The following SSH2 variants were observed in gnomAD, a reference collection of about 807,000 sequenced individuals.
The protein encoded by SSH2 is protein phosphatase Slingshot homolog 2.
Under a neutral mutation model 135.2 loss-of-function variants are expected in SSH2, and 37 were observed. The observed-to-expected ratio is 0.27, with a 90% CI of 0.21 to 0.36. The LOEUF is 0.36. Among genes scored for constraint, SSH2 ranks in the 10% least tolerant of loss-of-function variants. The probability of loss-of-function intolerance (pLI) is 1.00; values close to 1 mark genes in which losing one functional copy is unlikely to be tolerated. For missense variants in SSH2, 1,408 were observed against 1,765.3 expected (o/e 0.80, Z 3.63); for synonymous variants, 628 against 646.2 (o/e 0.97, Z 0.43).
chr17:29,762,121 T>C (rs751152078), intron 3 of SSH2, among the ~76,000 whole-genome samples: 1 of 152,082 alleles, frequency 6.6e-6, no homozygotes, highest in Non-Finnish European at 1.5e-5. Context: ...CCTCCGGTGA[T>C]CCGCCCGTCT....
intron 2 of SSH2, among the ~76,000 whole-genome samples, chr17:29,842,179 C>T (rs1023027153): frequency 2.0e-5 from 3 of 151,846 alleles, no homozygotes; most frequent in African/African-American, 7.3e-5. Flanking sequence ...CACAGCCAGG[C>T]GCAGTGGCTC....
chr17:29,632,093 T>C lies in SSH2; in HGVS notation c.3101A>G (p.Lys1034Arg), dbSNP rs2035705780. Reference protein sequence around the residue: ...ETQAVPLPLPKRVEIIEYTHI... With the variant: ...ETQAVPLPLPRRVEIIEYTHI... Reference sequence around the variant, plus strand: ...GGTATATTCAATGATTTCTACCCTCTTGGGAAGGGGAAGAGGGACTGCTTG... The same window carrying C: ...GGTATATTCAATGATTTCTACCCTCCTGGGAAGGGGAAGAGGGACTGCTTG... The change falls in exon 16 of 16, where the codon AAG becomes AGG. Residue 1034 changes from lysine to arginine, a missense_variant. Transcript: ENST00000540801. 6.2e-7 allele frequency: 1 copy of C among 1,614,208 alleles called. No individual in the cohort carries two copies. Among genetic ancestry groups the C allele is most frequent in the Non-Finnish European group, 8.5e-7 (1 of 1,180,034 alleles).
At chr17:29,724,580 TC>T (rs1287428862) in intron 3 of SSH2, among the ~76,000 whole-genome samples, 7 of 83,030 alleles carry the variant, frequency 8.4e-5, no homozygotes, top group South Asian at 8.0e-4. Flanking sequence ...GATTACCAAA[TC>T]TTTTTTTTTT....
intron 1 of SSH2, among the ~76,000 whole-genome samples, chr17:29,893,393 C>A (rs568387977): frequency 4.6e-5 from 7 of 152,126 alleles, no homozygotes; most frequent in African/African-American, 1.7e-4. Context: ...AGAGGTCAGG[C>A]CTTCAGGAAG....
chr17:29,871,841 T>C lies in SSH2; in HGVS notation c.64-22912A>G, dbSNP rs137938407. On this transcript the variant is annotated intron_variant, in intron 1 of 15. Transcript: ENST00000540801. ...AATCTTAAAGATGTTCATGACCTAT[T>C]AGTCGATTACAGAATTTAAAGAAAT... 1.8e-3 allele frequency among the ~76,000 whole-genome samples: 281 copies of C among 152,320 alleles called. 2 individuals are homozygous for C. Among genetic ancestry groups the C allele is most frequent in the African/African-American group, 6.5e-3 (272 of 41,574 alleles).
At chr17:29,857,678 G>A (rs1408023173) in intron 1 of SSH2, among the ~76,000 whole-genome samples, 1 of 152,078 alleles carries the variant, frequency 6.6e-6, no homozygotes, top group African/African-American at 2.4e-5. Flanking sequence ...TAGAGATGGG[G>A]TCTCACTATG....
chr17:29,810,023 T>C (rs1053550518), intron 2 of SSH2, among the ~76,000 whole-genome samples: 2 of 152,206 alleles, frequency 1.3e-5, no homozygotes, highest in Admixed American at 6.5e-5. Flanking sequence ...CTCCATATTA[T>C]AAGCTTGAAG....
At chr17:29,720,423 TA>T (rs2039783015) in intron 3 of SSH2, among the ~76,000 whole-genome samples, 1 of 152,188 alleles carries the variant, frequency 6.6e-6, no homozygotes. Context: ...ACATAAAAAA[TA>T]TATTGCCAGT....
At chr17:29,897,719 T>A (rs2066470906) in intron 1 of SSH2, among the ~76,000 whole-genome samples, 1 of 152,026 alleles carries the variant, frequency 6.6e-6, no homozygotes, top group African/African-American at 2.4e-5. Flanking sequence ...GACAGATCAA[T>A]GAGACAGAAG....
chr17:29,813,214 C>G (rs905333155), intron 2 of SSH2, among the ~76,000 whole-genome samples: 25 of 151,666 alleles, frequency 1.6e-4, no homozygotes, highest in African/African-American at 6.1e-4. Context: ...GAAACCCCAT[C>G]TCTACTAAAA....
At chr17:29,681,725 G>A (rs1414905481) in intron 6 of SSH2, among the ~76,000 whole-genome samples, 4 of 152,116 alleles carry the variant, frequency 2.6e-5, no homozygotes, top group Admixed American at 6.6e-5. Context: ...TGGCTGCAAC[G>A]TATTATTAAG....
chr17:29,747,823 C>T (rs1359649420), intron 3 of SSH2, among the ~76,000 whole-genome samples: 1 of 152,166 alleles, frequency 6.6e-6, no homozygotes, highest in Non-Finnish European at 1.5e-5. Flanking sequence ...ACTGGAAGGA[C>T]CCAAGAGCAG....
chr17:29,684,507 A>C, intron 6 of SSH2, 56 bp downstream of exon 6: 4 of 1,485,336 alleles, frequency 2.7e-6, no homozygotes, highest in Non-Finnish European at 3.6e-6. Flanking sequence ...AAAAAAAGCA[A>C]CTGGAACAGG....
At chr17:29,857,690 T>C (rs969269215) in intron 1 of SSH2, among the ~76,000 whole-genome samples, 3 of 152,136 alleles carry the variant, frequency 2.0e-5, no homozygotes, top group Admixed American at 6.6e-5. Flanking sequence ...CTCACTATGT[T>C]TCCCAGAAAG....
At chr17:29,691,567 T>A (rs1598811508) in intron 5 of SSH2, among the ~76,000 whole-genome samples, 1 of 151,816 alleles carries the variant, frequency 6.6e-6, no homozygotes, top group Admixed American at 6.6e-5. Context: ...CTCGGCTCAC[T>A]GAAAGCTCTG....
chr17:29,824,245 AC>A (rs2042705563), intron 2 of SSH2, among the ~76,000 whole-genome samples: 1 of 152,210 alleles, frequency 6.6e-6, no homozygotes, highest in Non-Finnish European at 1.5e-5. Context: ...TAACAAAAGG[AC>A]CACAGTTGGT....
chr17:29,795,275 A>G (rs531559124), intron 2 of SSH2, among the ~76,000 whole-genome samples: 1 of 152,356 alleles, frequency 6.6e-6, no homozygotes, highest in South Asian at 2.1e-4. Flanking sequence ...ATCTGATAAG[A>G]CTGAAAAAGA....
chr17:29,708,779 C>T (rs1185681998), intron 3 of SSH2, among the ~76,000 whole-genome samples: 5 of 151,180 alleles, frequency 3.3e-5, no homozygotes, highest in Non-Finnish European at 7.4e-5. Flanking sequence ...ACTTAAGAAG[C>T]CCCACAGTAA....
intron 14 of SSH2, among the ~76,000 whole-genome samples, chr17:29,637,599 T>C (rs2035963256): frequency 6.6e-6 from 1 of 151,356 alleles, no homozygotes; most frequent in African/African-American, 2.4e-5. Flanking sequence ...CTGGGCAACA[T>C]GGTAAAACTC....
Sources: allele counts gnomAD v4.1 joint callset (sites outside exome capture counted in the v4.1 genomes callset), GRCh38; gene constraint gnomAD v4.1.1; transcripts MANE v1.5; gene names NCBI Gene and HGNC (gene_info 2026-07-23, HGNC 2026-07-21).